Variants in SLCO1B1 observed in about 807,000 individuals in gnomAD.
SLCO1B1 encodes solute carrier organic anion transporter family member 1B1.
A neutral mutation model predicts 70.1 loss-of-function variants in SLCO1B1; 81 were observed. The observed-to-expected ratio is 1.16, with a 90% CI of 0.97 to 1.39. SLCO1B1 has a LOEUF of 1.39. Among genes scored for constraint, SLCO1B1 ranks in the 40% most tolerant of loss-of-function variants. The pLI is 0.00. For synonymous variants in SLCO1B1, 283 were observed against 271.5 expected (o/e 1.04, Z -0.42); for missense variants, 895 against 799.6 (o/e 1.12, Z -1.44).
intron 11 of SLCO1B1, among the ~76,000 whole-genome samples, chr12:21,208,772 C>A (rs1490316757): frequency 1.3e-5 from 2 of 152,002 alleles, no homozygotes; most frequent in Non-Finnish European, 2.9e-5. Flanking sequence ...GAATGTTTTT[C>A]CACTTGTTTG....
intron 7 of SLCO1B1, among the ~76,000 whole-genome samples, chr12:21,181,833 T>C (rs1442653111): frequency 1.3e-5 from 2 of 152,110 alleles, no homozygotes; most frequent in African/African-American, 2.4e-5. Flanking sequence ...AGAAAATTTA[T>C]AGATGAATTG....
At chr12:21,211,666 A>T (rs960177563) in intron 11 of SLCO1B1, among the ~76,000 whole-genome samples, 3 of 152,036 alleles carry the variant, frequency 2.0e-5, no homozygotes, top group African/African-American at 4.8e-5. Flanking sequence ...CTCTGGTAGA[A>T]TTCAGCTGTG....
intron 2 of SLCO1B1, among the ~76,000 whole-genome samples, chr12:21,172,320 G>T (rs919026661): frequency 4.6e-5 from 7 of 152,112 alleles, no homozygotes; most frequent in African/African-American, 1.7e-4. Context: ...TGGAAATAAA[G>T]AATAGCTCAC....
chr12:21,160,837 A>G (rs1293248622), intron 2 of SLCO1B1, among the ~76,000 whole-genome samples: 6 of 152,180 alleles, frequency 3.9e-5, no homozygotes, highest in Non-Finnish European at 7.4e-5. Flanking sequence ...GCCTCATTAA[A>G]ATGTAGGCAA....
chr12:21,159,906 T>C (rs1434194536), intron 2 of SLCO1B1, among the ~76,000 whole-genome samples: 1 of 151,606 alleles, frequency 6.6e-6, no homozygotes, highest in African/African-American at 2.4e-5. Flanking sequence ...CTTTGAAATA[T>C]AGCTAACTAG....
At chr12:21,152,158 G>A (rs983894648) in intron 2 of SLCO1B1, among the ~76,000 whole-genome samples, 2 of 151,696 alleles carry the variant, frequency 1.3e-5, no homozygotes, top group Admixed American at 1.3e-4. Flanking sequence ...TTTCAGTCTT[G>A]TGCAGTATAC....
At chr12:21,215,535 T>C (rs924120709) in intron 11 of SLCO1B1, among the ~76,000 whole-genome samples, 1 of 152,218 alleles carries the variant, frequency 6.6e-6, no homozygotes, top group African/African-American at 2.4e-5. Flanking sequence ...GCCTACTTGG[T>C]CATGATGAAT....
intron 14 of SLCO1B1, among the ~76,000 whole-genome samples, chr12:21,233,449 G>C (rs967822549): frequency 5.9e-5 from 9 of 151,436 alleles, no homozygotes; most frequent in African/African-American, 2.2e-4. Context: ...CTCCACCTGA[G>C]AATTCTCCCT....
intron 1 of SLCO1B1, among the ~76,000 whole-genome samples, chr12:21,131,472 T>C (rs1405752897): frequency 6.6e-6 from 1 of 152,030 alleles, no homozygotes; most frequent in Non-Finnish European, 1.5e-5. Context: ...TATTTAAATA[T>C]AAAGTTTCAA....
At chr12:21,211,493 G>A (rs1283316272) in intron 11 of SLCO1B1, among the ~76,000 whole-genome samples, 1 of 152,236 alleles carries the variant, frequency 6.6e-6, no homozygotes, top group African/African-American at 2.4e-5. Flanking sequence ...TTGCATCAAT[G>A]TTCATCAAGG....
At position 21,222,189 on chromosome 12, in the gene SLCO1B1, C is replaced by T. The variant is rs151256979; in HGVS notation, c.1683-111C>T. On this transcript the variant is annotated intron_variant, in intron 12 of 14. Transcript: ENST00000256958. The stretch of plus-strand genomic sequence containing the variant: ...AATTTTATATAATGGGGCCATTCAA[C>T]TGTGAGCTTAATTCTATCATGGAGA... The T allele has an allele frequency of 4.2e-4, 161 of 386,698 alleles. 2 individuals are homozygous for T. The East Asian group carries it at 8.8e-3, about 21-fold the overall frequency. The allele number at this position is 386,698 out of a possible 1,614,324, so 24.0% of individuals were successfully genotyped here.
intron 10 of SLCO1B1, 88 bp downstream of exon 10, chr12:21,202,774 TTTAAC>T: frequency 9.4e-7 from 1 of 1,061,436 alleles, no homozygotes; most frequent in African/African-American, 1.6e-5. Flanking sequence ...AGAAAACAAT[TTTAAC>T]TAAACTTTCT....
At chr12:21,213,900 TG>T (rs1941321460) in intron 11 of SLCO1B1, among the ~76,000 whole-genome samples, 1 of 149,950 alleles carries the variant, frequency 6.7e-6, no homozygotes, top group Non-Finnish European at 1.5e-5. Context: ...TCTCGAGCCT[TG>T]GTTTTCAGCT....
In SLCO1B1 at chr12:21,200,662, C is replaced by T. The variant is rs750601432; in HGVS notation, c.1125C>T (p.Asn375=). ...QQYGQPSSKA[N]ILLGVITIPI... ...ATGGTCAGCCTTCATCTAAGGCTAACATCTTATTGGGTAAGACATATTTTT... is the reference window on the plus strand; with the variant it reads ...ATGGTCAGCCTTCATCTAAGGCTAATATCTTATTGGGTAAGACATATTTTT... The change falls in exon 9 of 15, where the codon AAC becomes AAT. Residue 375 remains asparagine, a synonymous_variant. Transcript: ENST00000256958. 6.2e-7 allele frequency: 1 copy of T among 1,611,712 alleles called. No homozygotes were observed. Among genetic ancestry groups the T allele is most frequent in the South Asian group, 1.1e-5 (1 of 90,906 alleles).
Position 21,178,572 on chromosome 12 carries a change from A to T in SLCO1B1, c.482-4A>T, listed in dbSNP as rs748610986. On this transcript the variant is annotated splice_polypyrimidine_tract_variant and splice_region_variant and intron_variant, in intron 5 of 14. Coordinates refer to ENST00000256958, the MANE Select transcript of SLCO1B1 (RefSeq NM_006446.5). ...TAAAATGAAACACTCTCTTATCTAC[A>T]TAGGTTGTTTAAAGGAATCTGGGTC... 5 of 1,595,992 alleles carry T rather than the reference A, an allele frequency of 3.1e-6. No homozygotes were observed. Among genetic ancestry groups the T allele is most frequent in the South Asian group, 1.1e-5 (1 of 90,650 alleles).
At chr12:21,149,815 T>C (rs1182591980) in intron 2 of SLCO1B1, among the ~76,000 whole-genome samples, 1 of 152,086 alleles carries the variant, frequency 6.6e-6, no homozygotes, top group African/African-American at 2.4e-5. Context: ...ATTTTCTTTT[T>C]AAACCCCAGT....
intron 11 of SLCO1B1, among the ~76,000 whole-genome samples, chr12:21,207,124 G>GT (rs1941223777): frequency 6.6e-6 from 1 of 151,738 alleles, no homozygotes; most frequent in Admixed American, 6.6e-5. Flanking sequence ...TTATTTTGCT[G>GT]TTTTTTAAAA....
chr12:21,134,246 T>G (rs1940183246), intron 1 of SLCO1B1, among the ~76,000 whole-genome samples: 1 of 152,234 alleles, frequency 6.6e-6, no homozygotes, highest in Admixed American at 6.5e-5. Context: ...AGTATTTTAT[T>G]GAGGATTTTT....
chr12:21,230,166 G>A (rs116180575), intron 14 of SLCO1B1, among the ~76,000 whole-genome samples: 3,021 of 152,118 alleles, frequency 0.02, 97 homozygotes, highest in African/African-American at 0.069. Flanking sequence ...GTAATGAACT[G>A]TAAGAATTCA....
Sources: allele counts gnomAD v4.1 joint callset (sites outside exome capture counted in the v4.1 genomes callset), GRCh38; gene constraint gnomAD v4.1.1; transcripts MANE v1.5; gene names NCBI Gene and HGNC (gene_info 2026-07-23, HGNC 2026-07-21).